GMDS: variants seen among roughly 807,000 people sequenced by gnomAD.
GMDS encodes GDP-mannose 4,6 dehydratase.
Under a neutral mutation model 49.9 loss-of-function variants are expected in GMDS, and 20 were observed. That is an observed-to-expected ratio of 0.40 (90% CI 0.28 to 0.58). The LOEUF is 0.58. Among genes scored for constraint, GMDS ranks in the 20% least tolerant of loss-of-function variants. GMDS has a pLI of 0.42. For synonymous variants in GMDS, 177 were observed against 178.6 expected (o/e 0.99, Z 0.07); for missense variants, 362 against 481.4 (o/e 0.75, Z 2.32).
chr6:1,974,796 C>T (rs371503241), intron 4 of GMDS, among the ~76,000 whole-genome samples: 2 of 150,832 alleles, frequency 1.3e-5, no homozygotes, highest in African/African-American at 4.9e-5. Context: ...TTTGGGAGGC[C>T]GAGGCGGGCA....
intron 1 of GMDS, among the ~76,000 whole-genome samples, chr6:2,205,110 A>G (rs1779744166): frequency 6.6e-6 from 1 of 152,162 alleles, no homozygotes; most frequent in Non-Finnish European, 1.5e-5. Flanking sequence ...AGTTTTTCTC[A>G]CTTAATTCTC....
chr6:1,894,965 T>C (rs1760076571), intron 7 of GMDS, among the ~76,000 whole-genome samples: 1 of 152,230 alleles, frequency 6.6e-6, no homozygotes, highest in Admixed American at 6.5e-5. Context: ...GATGTTCTTT[T>C]TCCCCCTTTA....
chr6:2,151,565 T>C (rs555522773), intron 1 of GMDS, among the ~76,000 whole-genome samples: 303 of 152,174 alleles, frequency 2.0e-3, no homozygotes, highest in Non-Finnish European at 3.5e-3. Flanking sequence ...AGATAATGTA[T>C]AAAAGCTCTT....
At chr6:1,656,782 C>T (rs1224684401) in intron 9 of GMDS, among the ~76,000 whole-genome samples, 1 of 151,612 alleles carries the variant, frequency 6.6e-6, no homozygotes, top group African/African-American at 2.4e-5. Context: ...AAAAAAATTA[C>T]ATCTTCTGGA....
intron 4 of GMDS, among the ~76,000 whole-genome samples, chr6:1,989,402 T>G (rs1037549499): frequency 6.6e-6 from 1 of 151,726 alleles, no homozygotes; most frequent in East Asian, 1.9e-4. Context: ...GAGAGAGAGA[T>G]AAAGAGTTTG....
At chr6:2,084,152 T>C (rs2127470555) in intron 4 of GMDS, among the ~76,000 whole-genome samples, 1 of 152,322 alleles carries the variant, frequency 6.6e-6, no homozygotes, top group South Asian at 2.1e-4. Flanking sequence ...TACAATTGAT[T>C]ACATAAAACT....
At chr6:1,664,873 G>A (rs1764190483) in intron 9 of GMDS, among the ~76,000 whole-genome samples, 1 of 152,180 alleles carries the variant, frequency 6.6e-6, no homozygotes, top group African/African-American at 2.4e-5. Context: ...AAAGTTAGAA[G>A]CGTCCTAACT....
intron 7 of GMDS, among the ~76,000 whole-genome samples, chr6:1,871,040 C>G (rs1045032787): frequency 1.4e-5 from 2 of 146,920 alleles, no homozygotes; most frequent in Non-Finnish European, 3.0e-5. Flanking sequence ...ATCCACCCAT[C>G]CATATCACTA....
intron 4 of GMDS, among the ~76,000 whole-genome samples, chr6:2,026,173 T>C (rs1194829835): frequency 5.3e-5 from 8 of 152,176 alleles, no homozygotes. Flanking sequence ...GGCCACCACC[T>C]GGTCCTAGGC....
rs187525808 is a variant in GMDS, at chr6:1,933,008, C to T, written c.644-2778G>A. ...CACTTTCATCATCCCAAAAAGAAAC[C>T]CTGTATCATTTAGCAGTCACTCACC... On this transcript the variant is annotated intron_variant, in intron 6 of 10. Coordinates refer to ENST00000380815, the MANE Select transcript of GMDS (RefSeq NM_001500.4). Among the ~76,000 whole-genome samples, 534 of 152,134 alleles carry T rather than the reference C, an allele frequency of 3.5e-3. 3 individuals carry two copies. Among genetic ancestry groups the T allele is most frequent in the Middle Eastern group, 6.8e-3 (2 of 294 alleles).
chr6:1,691,633 C>T (rs1765178274), intron 9 of GMDS, among the ~76,000 whole-genome samples: 1 of 152,190 alleles, frequency 6.6e-6, no homozygotes. Context: ...CTACAAGGCA[C>T]ATTAGAAAAG....
chr6:1,742,873 A>G (rs3823262), intron 7 of GMDS, among the ~76,000 whole-genome samples: 64,949 of 152,020 alleles, frequency 0.43, 14,482 homozygotes, highest in East Asian at 0.65. Flanking sequence ...TGATTCTCAT[A>G]GTGCAGGTCC....
intron 9 of GMDS, among the ~76,000 whole-genome samples, chr6:1,652,408 AT>A (rs1162223230): frequency 0.13 from 303 of 2,394 alleles, 45 homozygotes; most frequent in Middle Eastern, 0.25. Context: ...ATATATATAT[AT>A]TATATATAAT....
intron 1 of GMDS, among the ~76,000 whole-genome samples, chr6:2,210,979 T>A (rs1326863201): frequency 6.6e-6 from 1 of 152,220 alleles, no homozygotes; most frequent in African/African-American, 2.4e-5. Flanking sequence ...CTCCCTTCAC[T>A]GTTTCTTCTG....
chr6:2,180,404 A>T (rs1581758258), intron 1 of GMDS, among the ~76,000 whole-genome samples: 1 of 152,384 alleles, frequency 6.6e-6, no homozygotes, highest in Non-Finnish European at 1.5e-5. Flanking sequence ...TCCAAGTTTG[A>T]CAATAAATTT....
At chr6:2,132,281 C>G (rs927382585) in intron 1 of GMDS, among the ~76,000 whole-genome samples, 20 of 152,134 alleles carry the variant, frequency 1.3e-4, no homozygotes, top group Admixed American at 3.9e-4. Context: ...GATATTTTCA[C>G]ATAAAATATG....
At chr6:1,673,376 T>C (rs1451419009) in intron 9 of GMDS, among the ~76,000 whole-genome samples, 1 of 151,992 alleles carries the variant, frequency 6.6e-6, no homozygotes, top group Non-Finnish European at 1.5e-5. Flanking sequence ...GGCTTTTTTT[T>C]TTTTTAAATA....
At chr6:2,075,170 G>A (rs1332417092) in intron 4 of GMDS, among the ~76,000 whole-genome samples, 2 of 152,036 alleles carry the variant, frequency 1.3e-5, no homozygotes, top group Non-Finnish European at 2.9e-5. Flanking sequence ...ATTTCTGTGA[G>A]AAATGACATT....
chr6:2,141,865 G>GCTCTCT (rs67628075), intron 1 of GMDS, among the ~76,000 whole-genome samples: 5,261 of 145,594 alleles, frequency 0.036, 112 homozygotes, highest in Middle Eastern at 0.076. Flanking sequence ...GGTTGTGCGT[G>GCTCTCT]CTCTCTCTCT....
Sources: allele counts gnomAD v4.1 joint callset (sites outside exome capture counted in the v4.1 genomes callset), GRCh38; gene constraint gnomAD v4.1.1; transcripts MANE v1.5; gene names NCBI Gene and HGNC (gene_info 2026-07-23, HGNC 2026-07-21).